Variants in OPA3 observed in about 807,000 individuals in gnomAD.
OPA3 encodes the protein optic atrophy 3 protein.
A neutral mutation model predicts 4.0 loss-of-function variants in OPA3; 6 were observed. That is an observed-to-expected ratio of 1.51 (90% CI 0.83 to 2.99). The LOEUF (loss-of-function observed/expected upper bound fraction) is 2.99. Among genes scored for constraint, OPA3 ranks in the 30% most tolerant of loss-of-function variants. The pLI, the probability that OPA3 is intolerant of heterozygous loss-of-function variation, is 0.00. For missense variants in OPA3, 235 were observed against 256.2 expected, an observed-to-expected ratio of 0.92 and a Z score of 0.56; for synonymous variants, 105 against 117.1, an observed-to-expected ratio of 0.90 and a Z score of 0.67.
chr19:45,548,967 G>T lies in OPA3; in HGVS notation c.*4547C>A. ...TACAGGTGCACAACCACCATGCCCA[G>T]CTAATTTTTGTATTTTTAGTAGAGA... On this transcript the variant is annotated 3_prime_UTR_variant, in exon 2 of 2. Transcript: ENST00000263275. 3.0e-6 allele frequency: 1 copy of T among 336,944 alleles called. No individual in the cohort carries two copies. The highest frequency in any genetic ancestry group is 4.2e-6 in the Non-Finnish European group (1 of 237,740). The allele number at this position is 336,944 out of a possible 1,614,324, so 20.9% of individuals were successfully genotyped here.
chr19:45,584,475 C>T (rs1323831031), intron 1 of OPA3, 148 bp downstream of exon 1: 1 of 1,541,626 alleles, frequency 6.5e-7, no homozygotes. Context: ...ACCCGTACGC[C>T]CCTCTATCAG....
At chr19:45,562,040 G>A (rs1212899646) in intron 1 of OPA3, among the ~76,000 whole-genome samples, 2 of 151,652 alleles carry the variant, frequency 1.3e-5, no homozygotes. Context: ...TCCAAATGAG[G>A]AATGTTTAGA....
chr19:45,568,607 A>G (rs1969616756), intron 1 of OPA3, among the ~76,000 whole-genome samples: 1 of 152,000 alleles, frequency 6.6e-6, no homozygotes. Context: ...CATTACAGCA[A>G]CCCGAGACTG....
chr19:45,527,628 C>CT (rs1969006853), exon 2 of OPA3: 1 of 152,082 alleles, frequency 6.6e-6, no homozygotes, highest in Admixed American at 6.6e-5. Flanking sequence ...AGGTTGGTCT[C>CT]TAACTCCTGG....
At chr19:45,566,509 T>A (rs1441005241) in intron 1 of OPA3, among the ~76,000 whole-genome samples, 1 of 151,210 alleles carries the variant, frequency 6.6e-6, no homozygotes, top group Non-Finnish European at 1.5e-5. Context: ...TCTCGCTCTG[T>A]CGCCCAGGCT....
intron 1 of OPA3, among the ~76,000 whole-genome samples, chr19:45,572,489 G>A (rs1266945849): frequency 5.3e-5 from 6 of 112,242 alleles, no homozygotes; most frequent in African/African-American, 1.8e-4. Flanking sequence ...CATATATATC[G>A]AGATATATGA....
At chr19:45,582,166 A>ATT (rs142724979) in intron 1 of OPA3, among the ~76,000 whole-genome samples, 3 of 142,398 alleles carry the variant, frequency 2.1e-5, no homozygotes, top group Admixed American at 7.1e-5. Flanking sequence ...ATTTTATTTT[A>ATT]TTTTTTTTTT....
At chr19:45,558,783 G>A (rs1268254548) in intron 1 of OPA3, among the ~76,000 whole-genome samples, 2 of 151,616 alleles carry the variant, frequency 1.3e-5, no homozygotes, top group Non-Finnish European at 2.9e-5. Flanking sequence ...GGAGTGCAGT[G>A]GCATGATCTC....
At chr19:45,582,409 C>G (rs1031102077) in intron 1 of OPA3, among the ~76,000 whole-genome samples, 10 of 152,158 alleles carry the variant, frequency 6.6e-5, no homozygotes, top group East Asian at 3.8e-4. Flanking sequence ...CTCCACCCCC[C>G]TCAGCCTTCC....
At position 45,529,502 on chromosome 19, in the gene OPA3, C is replaced by T. The variant is rs376142324; in HGVS notation, c.143-46G>A. The T allele has an allele frequency of 1.7e-5, 28 of 1,609,520 alleles. No individual in the cohort carries two copies. In the African/African-American group the frequency reaches 3.5e-4, roughly 20 times the overall value. ...CAGGGGTCTTTTGCAGGGCAGCCTC[C>T]TATAAGCCCCGACCCTCTGTGCTTC... On this transcript the variant is annotated intron_variant, in intron 1 of 1. Transcript: ENST00000323060.
rs72427396 is a variant in OPA3 at position 45,572,311 on chromosome 19, CAT to C, written c.142+12310_142+12311del. On this transcript the variant is annotated intron_variant, in intron 1 of 1. Coordinates refer to ENST00000263275, the MANE Select transcript of OPA3 (RefSeq NM_025136.4). ...TCGATATATATCTCATATATATCGA[CAT>C]ATATGAGATATATATCGATATATAT... 6.5e-3 allele frequency among the ~76,000 whole-genome samples: 775 copies of C among 119,526 alleles called. 93 individuals are homozygous for C. The highest frequency in any genetic ancestry group is 0.01 in the Non-Finnish European group (574 of 56,594). 78.4% of individuals were successfully genotyped at this position (119,526 alleles called of 152,430 possible).
chr19:45,549,812 C>T lies in OPA3; in HGVS notation c.*3702G>A. On this transcript the variant is annotated 3_prime_UTR_variant, in exon 2 of 2. Coordinates refer to ENST00000263275, the MANE Select transcript of OPA3 (RefSeq NM_025136.4). ...TTAAACACAGCCCACTCAGGACCCA[C>T]TCGGTCAGTTCCCTCTGCTCCAGCT... 3.0e-6 allele frequency: 3 copies of T among 985,520 alleles called. No individual in the cohort carries two copies. Among genetic ancestry groups the T allele is most frequent in the Non-Finnish European group, 2.4e-6 (2 of 830,114 alleles). 61.0% of individuals were successfully genotyped at this position (985,520 alleles called of 1,614,324 possible).
At chr19:45,529,171 G>A (rs371097138) in exon 2 of OPA3, 3 of 1,609,768 alleles carry the variant, frequency 1.9e-6, no homozygotes, top group Non-Finnish European at 2.5e-6. Flanking sequence ...CTGCGTCGAC[G>A]TCGCCTGCAC....
intron 1 of OPA3, among the ~76,000 whole-genome samples, chr19:45,533,199 TTTTC>T (rs1969078386): frequency 6.7e-6 from 1 of 148,936 alleles, no homozygotes; most frequent in Non-Finnish European, 1.5e-5. Flanking sequence ...CCAGGATGAT[TTTTC>T]TTTTTTTTTT....
downstream of OPA3, among the ~76,000 whole-genome samples, chr19:45,544,297 C>A (rs544765680): frequency 2.6e-5 from 4 of 152,286 alleles, no homozygotes; most frequent in East Asian, 5.8e-4. Context: ...ACAACCCCAA[C>A]GTTCAACAGA....
Position 45,549,641 on chromosome 19 carries a change from G to A in OPA3, c.*3873C>T, listed in dbSNP as rs1026966922. ...GATTCAGGAATGTGCCAACATGCCCGGCTAATTTTTGTATTTTTAGTAGAG... is the reference window on the plus strand; with the variant it reads ...GATTCAGGAATGTGCCAACATGCCCAGCTAATTTTTGTATTTTTAGTAGAG... On this transcript the variant is annotated 3_prime_UTR_variant, in exon 2 of 2. Coordinates refer to ENST00000263275, the MANE Select transcript of OPA3 (RefSeq NM_025136.4). 6 of 798,474 alleles carry A rather than the reference G, an allele frequency of 7.5e-6. No homozygotes were observed. Among genetic ancestry groups the A allele is most frequent in the South Asian group, 5.7e-5 (1 of 17,550 alleles). The allele number at this position is 798,474 out of a possible 1,614,324, so 49.5% of individuals were successfully genotyped here. A position where few individuals can be genotyped will look rare whatever the true frequency, so the allele number is the denominator to read the frequency against.
chr19:45,572,500 G>T (rs1166144547), intron 1 of OPA3, among the ~76,000 whole-genome samples: 2 of 111,978 alleles, frequency 1.8e-5, no homozygotes, highest in Non-Finnish European at 3.9e-5. Context: ...AGATATATGA[G>T]ATATATATCA....
rs1969376820 is a variant in OPA3 at position 45,553,732 on chromosome 19, G to A, written c.322C>T (p.Gln108Ter). Reference protein sequence around the residue: ...VLEYWRHQAQQRHKEEEQRAA... With the variant: ...VLEYWRHQAQ ...CGCTGCTCCTCCTCCTTGTGGCGCT[G>A]CTGCGCCTGGTGGCGCCAGTACTCC... is the stretch of plus-strand genomic sequence containing the variant. The change falls in exon 2 of 2, where the codon CAG becomes TAG. Residue 108 changes from glutamine (Q) to a stop codon, truncating the protein, a stop_gained. Transcript: ENST00000263275. LOFTEE classifies it low-confidence loss of function (END_TRUNC). 3 of 1,610,680 alleles carry A rather than the reference G, an allele frequency of 1.9e-6. No individual in the cohort carries two copies. Among genetic ancestry groups the A allele is most frequent in the Non-Finnish European group, 2.5e-6 (3 of 1,179,600 alleles).
intron 1 of OPA3, among the ~76,000 whole-genome samples, chr19:45,574,690 T>C (rs2122501769): frequency 6.6e-6 from 1 of 152,296 alleles, no homozygotes; most frequent in East Asian, 1.9e-4. Context: ...CAGGGACCCC[T>C]TCGTATCACA....
Sources: gnomAD v4.1 joint callset for allele counts (sites outside exome capture counted in the v4.1 genomes callset) on GRCh38, gnomAD v4.1.1 for gene constraint, MANE v1.5 for transcripts, NCBI Gene and HGNC (gene_info 2026-07-23, HGNC 2026-07-21) for gene names.